Variants in JAKMIP3 observed in about 807,000 individuals in gnomAD.
JAKMIP3 encodes the protein janus kinase and microtubule-interacting protein 3.
JAKMIP3 carries 58 observed loss-of-function variants against 118.5 expected under a neutral mutation model. The observed-to-expected ratio is 0.49, with a 90% CI of 0.40 to 0.61. The LOEUF (loss-of-function observed/expected upper bound fraction) is 0.61, where lower values mean the gene tolerates loss of function less well. Ranked by LOEUF, JAKMIP3 falls within the 20% of genes least tolerant of loss-of-function variation. JAKMIP3 has a pLI of 0.00. For missense variants in JAKMIP3, 950 were observed against 1,109.0 expected, an observed-to-expected ratio of 0.86 and a Z score of 2.04; for synonymous variants, 486 against 451.2, an observed-to-expected ratio of 1.08 and a Z score of -0.98.
intron 23 of JAKMIP3, among the ~76,000 whole-genome samples, chr10:132,178,584 TG>T (rs2060404264): frequency 6.6e-6 from 1 of 151,546 alleles, no homozygotes; most frequent in South Asian, 2.1e-4. Context: ...GCTGGGAATC[TG>T]TGTATTTGTG....
chr10:132,097,782 G>A (rs1474984956), intron 1 of JAKMIP3, among the ~76,000 whole-genome samples: 1 of 151,186 alleles, frequency 6.6e-6, no homozygotes, highest in Non-Finnish European at 1.5e-5. Flanking sequence ...AAAAGTCATG[G>A]CACTTCAGTG....
At chr10:132,144,498 C>T (rs575930901) in intron 11 of JAKMIP3, 1 of 152,568 alleles carries the variant, frequency 6.6e-6, no homozygotes, top group South Asian at 2.1e-4. Flanking sequence ...GGGCTGAGCA[C>T]ACGCTAGGCC....
chr10:132,140,561 G>A lies in JAKMIP3; in HGVS notation c.1455G>A (p.Pro485=), dbSNP rs752161665. The change falls in exon 10 of 24, where the codon CCG becomes CCA. Residue 485 remains proline, a synonymous_variant. Coordinates refer to ENST00000684848, the MANE Select transcript of JAKMIP3 (RefSeq NM_001323087.2). ...TDRTDQTPCT[P]DDDLEEGMAK... is the part of the protein sequence containing the mutation. ...GGACGGACCAGACCCCGTGCACCCC[G>A]GACGATGACTTGGAGGAGGTAACGA... 5.6e-6 allele frequency: 9 copies of A among 1,610,926 alleles called. No individual in the cohort carries two copies. Among genetic ancestry groups the A allele is most frequent in the Admixed American group, 1.7e-5 (1 of 59,550 alleles).
chr10:132,160,222 C>T (rs2932954), intron 19 of JAKMIP3, among the ~76,000 whole-genome samples: 36 of 11,836 alleles, frequency 3.0e-3, no homozygotes, highest in Non-Finnish European at 3.8e-3. Context: ...GTGGGCCTCT[C>T]CCTGTGTGAT....
upstream of JAKMIP3, among the ~76,000 whole-genome samples, chr10:132,061,072 T>C (rs957886950): frequency 6.6e-6 from 1 of 152,088 alleles, no homozygotes; most frequent in African/African-American, 2.4e-5. Flanking sequence ...TTAGGAATAA[T>C]AGATTTCAGC....
intron 3 of JAKMIP3, among the ~76,000 whole-genome samples, chr10:132,126,967 C>T (rs748696601): frequency 3.9e-5 from 6 of 152,072 alleles, no homozygotes; most frequent in Admixed American, 6.6e-5. Context: ...GATTTTGGAA[C>T]TATTCTCCTT....
chr10:132,165,451 C>T (rs947707636), intron 21 of JAKMIP3, among the ~76,000 whole-genome samples: 10 of 152,278 alleles, frequency 6.6e-5, no homozygotes, highest in African/African-American at 1.4e-4. Context: ...GGCTCCCGAC[C>T]CCCAGCTCAG....
intron 19 of JAKMIP3, among the ~76,000 whole-genome samples, chr10:132,160,452 T>C (rs36182454): frequency 8.2e-3 from 134 of 16,320 alleles, no homozygotes; most frequent in Non-Finnish European, 0.011. Flanking sequence ...GCTGGGGGGG[T>C]CTCTTCCTGT....
At position 132,117,610 on chromosome 10, in the gene JAKMIP3, TGCAGGGGCGGGCGTGGGC is replaced by T. The variant is rs760056014; in HGVS notation, c.633+38_633+55del. The T allele has an allele frequency of 6.9e-5, 38 of 549,724 alleles. No individual in the cohort carries two copies. In the East Asian group the frequency reaches 3.9e-3, roughly 57 times the overall value. 34.1% of individuals were successfully genotyped at this position (549,724 alleles called of 1,614,324 possible). On this transcript the variant is annotated intron_variant, in intron 3 of 23. Coordinates refer to ENST00000684848, the MANE Select transcript of JAKMIP3 (RefSeq NM_001323087.2). This position sits in a 1 kb window ranked among gnomAD's most constrained non-coding sequence, Gnocchi z 8.6. ...AGGCAGGGGCGGGCGTGGGCGAGGGTGCAGGGGCGGGCGTGGGCGAGGGTGCAGGGGCGGGCGTGGGCG... is the reference window on the plus strand; with the variant it reads ...AGGCAGGGGCGGGCGTGGGCGAGGGTGAGGGTGCAGGGGCGGGCGTGGGCG...
Position 132,106,374 on chromosome 10 carries a change from A to G in JAKMIP3, c.135+1431A>G, listed in dbSNP as rs374962343. On this transcript the variant is annotated intron_variant, in intron 2 of 23. Coordinates refer to ENST00000684848, the MANE Select transcript of JAKMIP3 (RefSeq NM_001323087.2). The stretch of plus-strand genomic sequence containing the variant: ...AAATGATTTAAAAAAAAAAACCCAC[A>G]GCTGCACCTGCTCATTTACATATTG... 1.4e-3 allele frequency among the ~76,000 whole-genome samples: 197 copies of G among 145,366 alleles called. 1 individual carries two copies. The highest frequency in any genetic ancestry group is 5.0e-3 in the African/African-American group (191 of 38,358).
At chr10:132,070,079 A>G (rs1460536446) in intron 1 of JAKMIP3, among the ~76,000 whole-genome samples, 1 of 150,304 alleles carries the variant, frequency 6.7e-6, no homozygotes, top group Admixed American at 6.6e-5. Context: ...TCGGGCACCA[A>G]CTCCCAGTGA....
rs976647247 is a variant in JAKMIP3, at chr10:132,179,750, G to A, written c.*1104-2607G>A. The stretch of plus-strand genomic sequence containing the variant: ...TCGCACCACAGCAGGGTCACGCCAC[G>A]GCAGGGTCACACCACAACAGCCACA... On this transcript the variant is annotated intron_variant, in intron 23 of 23. Transcript: ENST00000684848. The surrounding 1 kb of genome is among the most constrained non-coding windows in gnomAD (Gnocchi z 4.3). Among the ~76,000 whole-genome samples the A allele has an allele frequency of 6.0e-5, 9 of 149,322 alleles. No homozygotes were observed. Among genetic ancestry groups the A allele is most frequent in the Admixed American group, 4.0e-4 (6 of 15,166 alleles).
At chr10:132,123,824 G>A (rs2048999884) in intron 3 of JAKMIP3, among the ~76,000 whole-genome samples, 1 of 152,202 alleles carries the variant, frequency 6.6e-6, no homozygotes, top group Non-Finnish European at 1.5e-5. Flanking sequence ...ATCGGCTTCT[G>A]GGGCCAAAGC....
intron 1 of JAKMIP3, among the ~76,000 whole-genome samples, chr10:132,088,459 T>G (rs1313206165): frequency 6.6e-6 from 1 of 152,248 alleles, no homozygotes; most frequent in Non-Finnish European, 1.5e-5. Flanking sequence ...TGATGGCCAG[T>G]GATGATGAGC....
chr10:132,068,739 G>C (rs992060863), intron 1 of JAKMIP3, among the ~76,000 whole-genome samples: 3 of 152,148 alleles, frequency 2.0e-5, no homozygotes, highest in Non-Finnish European at 2.9e-5. Context: ...GGGTCCCTCT[G>C]GAAGGCTCTC....
Position 132,058,519 on chromosome 10 carries a change from G to C in JAKMIP3, c.-138+21781G>C, listed in dbSNP as rs868666501. ...CTGTGTGCTAACCCCATCTGCTGCG[G>C]AGCAGAGAACCCTCCTCCCCGGAGG... On this transcript the variant is annotated intron_variant, in intron 1 of 23. Transcript: ENST00000657785. Among the ~76,000 whole-genome samples, 6 of 152,350 alleles carry C rather than the reference G, an allele frequency of 3.9e-5. No individual in the cohort carries two copies. The South Asian group carries it at 1.2e-3, about 32-fold the overall frequency.
intron 1 of JAKMIP3, among the ~76,000 whole-genome samples, chr10:132,058,293 A>G (rs2038299666): frequency 2.0e-5 from 3 of 152,214 alleles, no homozygotes; most frequent in African/African-American, 4.8e-5. Flanking sequence ...CTGATCTCTG[A>G]TGTGGTTTGT....
chr10:132,114,015 C>T (rs1043904146), intron 2 of JAKMIP3, among the ~76,000 whole-genome samples: 7 of 152,228 alleles, frequency 4.6e-5, no homozygotes, highest in Non-Finnish European at 8.8e-5. Flanking sequence ...CTGGGCCAGG[C>T]CCAAGCCCAA....
rs2058519869 is a variant in JAKMIP3, at chr10:132,163,043, T to TG, written c.2221-162dup. ...TCTTCTCACAGACTGGGGAGGTCCGTGGGGCCCCTGGTCCTTCTGCAGAGG... is the reference window on the plus strand; with the variant it reads ...TCTTCTCACAGACTGGGGAGGTCCGTGGGGGCCCCTGGTCCTTCTGCAGAGG... On this transcript the variant is annotated intron_variant, in intron 19 of 23. Transcript: ENST00000684848. 4.6e-5 allele frequency among the ~76,000 whole-genome samples: 7 copies of TG among 152,338 alleles called. 2 individuals carry two copies. The South Asian group carries it at 1.5e-3, about 32-fold the overall frequency.
Sources: gnomAD v4.1 joint callset for allele counts (sites outside exome capture counted in the v4.1 genomes callset) on GRCh38, gnomAD v4.1.1 for gene constraint, Gnocchi (gnomAD v3.1) non-coding constraint, MANE v1.5 for transcripts, NCBI Gene and HGNC (gene_info 2026-07-23, HGNC 2026-07-21) for gene names.